The following CFDP1 variants were observed in gnomAD, a reference collection of about 807,000 sequenced individuals.
The protein encoded by CFDP1 is chromatin remodeling protein CFDP1, also known as heterochromatin-stabilizing protein CFDP1.
In CFDP1, 31 loss-of-function variants were observed where a neutral mutation model predicts 40.1. That is an observed-to-expected ratio of 0.77 (90% CI 0.58 to 1.04). The LOEUF is 1.04. CFDP1 is among the 50% of genes least tolerant of loss of function. The probability of loss-of-function intolerance (pLI) is 0.00; values close to 1 mark genes in which losing one functional copy is unlikely to be tolerated. For missense variants in CFDP1, 423 were observed against 343.4 expected (o/e 1.23, Z -1.83); for synonymous variants, 167 against 120.0 (o/e 1.39, Z -2.56).
intron 5 of CFDP1, among the ~76,000 whole-genome samples, chr16:75,387,210 G>A (rs545881308): frequency 1.8e-3 from 274 of 150,240 alleles, no homozygotes; most frequent in Non-Finnish European, 3.4e-3. Flanking sequence ...GCGCAATCTC[G>A]GCTCACTGCA....
chr16:75,397,414 C>A (rs572924062), intron 4 of CFDP1, among the ~76,000 whole-genome samples: 1 of 151,744 alleles, frequency 6.6e-6, no homozygotes, highest in South Asian at 2.1e-4. Flanking sequence ...ACTTAGGAGG[C>A]TGAATCACTT....
At chr16:75,315,331 CAAAAAAAAAA>C (rs758174791) in intron 5 of CFDP1, among the ~76,000 whole-genome samples, 95 of 47,806 alleles carry the variant, frequency 2.0e-3, no homozygotes, top group Middle Eastern at 0.019. Flanking sequence ...GACCCTATCT[CAAAAAAAAAA>C]AAAAAAAAAA....
intron 5 of CFDP1, among the ~76,000 whole-genome samples, chr16:75,345,950 T>C (rs1473753745): frequency 6.6e-6 from 1 of 152,222 alleles, no homozygotes; most frequent in Non-Finnish European, 1.5e-5. Context: ...CAAGGTCTTC[T>C]AGATATGAGG....
chr16:75,324,089 T>C (rs1259955322), intron 5 of CFDP1, among the ~76,000 whole-genome samples: 2 of 152,312 alleles, frequency 1.3e-5, no homozygotes, highest in South Asian at 2.1e-4. Context: ...CCACTGGAGA[T>C]AGACAGATTT....
intron 1 of CFDP1, among the ~76,000 whole-genome samples, chr16:75,423,145 G>C (rs992209786): frequency 4.6e-5 from 7 of 151,886 alleles, no homozygotes; most frequent in Non-Finnish European, 4.4e-5. Context: ...GCCGGGCCTT[G>C]TGGTGGGTGC....
chr16:75,326,224 G>A (rs2078399820), intron 5 of CFDP1, among the ~76,000 whole-genome samples: 3 of 152,158 alleles, frequency 2.0e-5, no homozygotes, highest in South Asian at 2.1e-4. Flanking sequence ...TGACACTGGC[G>A]ACACTGCAGC....
intron 5 of CFDP1, among the ~76,000 whole-genome samples, chr16:75,352,287 G>T (rs2078618262): frequency 6.6e-6 from 1 of 151,948 alleles, no homozygotes; most frequent in South Asian, 2.1e-4. Context: ...GTTGCAGTGA[G>T]TCGAGATCAC....
chr16:75,403,679 C>G (rs891838591), intron 4 of CFDP1, among the ~76,000 whole-genome samples: 1 of 152,156 alleles, frequency 6.6e-6, no homozygotes, highest in South Asian at 2.1e-4. Context: ...ATATTCCTAA[C>G]GGTACATTAA....
At chr16:75,432,953 CG>C (rs2079441660) in intron 1 of CFDP1, among the ~76,000 whole-genome samples, 1 of 152,232 alleles carries the variant, frequency 6.6e-6, no homozygotes, top group African/African-American at 2.4e-5. Flanking sequence ...CTCCAAGGCT[CG>C]GACTGCCGCC....
chr16:75,317,020 A>T (rs914294319), intron 5 of CFDP1, among the ~76,000 whole-genome samples: 1 of 152,152 alleles, frequency 6.6e-6, no homozygotes, highest in Non-Finnish European at 1.5e-5. Context: ...AAATAAAAAT[A>T]AAAAGTAAAA....
chr16:75,316,668 A>C (rs916393592), intron 5 of CFDP1, among the ~76,000 whole-genome samples: 8 of 152,058 alleles, frequency 5.3e-5, no homozygotes, highest in Non-Finnish European at 1.0e-4. Context: ...GCTGTAAAAA[A>C]GTCTTTAAAA....
intron 5 of CFDP1, among the ~76,000 whole-genome samples, chr16:75,331,387 G>A (rs1049573163): frequency 2.2e-4 from 34 of 152,174 alleles, no homozygotes; most frequent in Non-Finnish European, 4.3e-4. Flanking sequence ...AAAGTGCTGG[G>A]ATTACAGGCG....
At chr16:75,432,880 G>A (rs2079440079) in intron 1 of CFDP1, among the ~76,000 whole-genome samples, 1 of 147,936 alleles carries the variant, frequency 6.8e-6, no homozygotes, top group African/African-American at 2.6e-5. Flanking sequence ...GGCGGAGAGC[G>A]GACAGCTCTA....
At chr16:75,349,678 A>ATATATAT (rs1567653462) in intron 5 of CFDP1, among the ~76,000 whole-genome samples, 2 of 5,902 alleles carry the variant, frequency 3.4e-4, no homozygotes, top group African/African-American at 5.5e-4. Flanking sequence ...AAAAAAAAAA[A>ATATATAT]AAAAAAAAAA....
rs1215086436 is a variant in CFDP1 at position 75,301,038 on chromosome 16, AAGCATCT to A, written c.809+3979_809+3985del. On this transcript the variant is annotated intron_variant, in intron 6 of 6. Transcript: ENST00000283882. The stretch of plus-strand genomic sequence containing the variant: ...CATCAGGAAGAAACTTAAAGGAATA[AAGCATCT>A]AGCTTTCCAGTAAGGCCTGAGGCAT... 1.7e-4 allele frequency among the ~76,000 whole-genome samples: 26 copies of A among 152,302 alleles called. No individual in the cohort carries two copies. The East Asian group carries it at 2.5e-3, about 15-fold the overall frequency.
chr16:75,401,670 A>G (rs2079055796), intron 4 of CFDP1, among the ~76,000 whole-genome samples: 1 of 152,172 alleles, frequency 6.6e-6, no homozygotes, highest in African/African-American at 2.4e-5. Flanking sequence ...GATAGAGAAG[A>G]TGAAATCAAA....
intron 5 of CFDP1, among the ~76,000 whole-genome samples, chr16:75,323,483 T>A (rs1006575062): frequency 2.6e-5 from 4 of 151,922 alleles, no homozygotes; most frequent in Non-Finnish European, 5.9e-5. Context: ...AAATAACAAT[T>A]TAAAGTATAC....
At chr16:75,330,889 G>C (rs1014865999) in intron 5 of CFDP1, among the ~76,000 whole-genome samples, 2 of 149,552 alleles carry the variant, frequency 1.3e-5, no homozygotes, top group Non-Finnish European at 3.0e-5. Flanking sequence ...AGCACAATTT[G>C]CTATTATTCT....
intron 5 of CFDP1, among the ~76,000 whole-genome samples, chr16:75,333,296 T>G (rs563572324): frequency 6.6e-6 from 1 of 152,050 alleles, no homozygotes; most frequent in South Asian, 2.1e-4. Flanking sequence ...GCTAATTTTT[T>G]GTATTTTTAG....
Sources: allele counts gnomAD v4.1 joint callset (sites outside exome capture counted in the v4.1 genomes callset), GRCh38; gene constraint gnomAD v4.1.1; transcripts MANE v1.5; gene names NCBI Gene and HGNC (gene_info 2026-07-23, HGNC 2026-07-21).